The following TOPAZ1 variants were observed in gnomAD, a reference collection of about 807,000 sequenced individuals.
TOPAZ1 encodes the protein testis and ovary specific TOPAZ 1.
TOPAZ1 carries 66 observed loss-of-function variants against 172.2 expected under a neutral mutation model. The ratio of observed to expected loss-of-function variants is 0.38; its 90% CI spans 0.31 to 0.47. The LOEUF (loss-of-function observed/expected upper bound fraction) is 0.47, where lower values mean the gene tolerates loss of function less well. Ranked by LOEUF, TOPAZ1 falls within the 20% of genes least tolerant of loss-of-function variation. The pLI, the probability that TOPAZ1 is intolerant of heterozygous loss-of-function variation, is 0.99. For synonymous variants in TOPAZ1, 681 were observed against 683.9 expected, an observed-to-expected ratio of 1.00 and a Z score of 0.07; for missense variants, 1,822 against 1,972.4, an observed-to-expected ratio of 0.92 and a Z score of 1.44.
intron 4 of TOPAZ1, among the ~76,000 whole-genome samples, chr3:44,257,119 A>G (rs1699713025): frequency 1.3e-5 from 2 of 152,220 alleles, no homozygotes; most frequent in Middle Eastern, 3.4e-3. Context: ...ACTTGAGGCC[A>G]GGAATTTGAG....
chr3:44,277,069 G>T (rs1699969139), intron 8 of TOPAZ1, among the ~76,000 whole-genome samples: 1 of 152,086 alleles, frequency 6.6e-6, no homozygotes, highest in Non-Finnish European at 1.5e-5. Context: ...GGGATTACAG[G>T]CATGAGCCAC....
At chr3:44,263,679 C>T (rs751638762) in intron 5 of TOPAZ1, among the ~76,000 whole-genome samples, 1 of 152,060 alleles carries the variant, frequency 6.6e-6, no homozygotes, top group African/African-American at 2.4e-5. Context: ...TTTTTAGTCT[C>T]CTCTGGCGCA....
chr3:44,267,178 G>A (rs2125685112), intron 6 of TOPAZ1, 42 bp downstream of exon 6: 2 of 1,409,636 alleles, frequency 1.4e-6, no homozygotes. Context: ...GGCTTTTGGT[G>A]ATATAGAAAC....
chr3:44,247,453 A>G lies in TOPAZ1; in HGVS notation c.2765+2182A>G, dbSNP rs545778105. ...AGTGTTTGCTTTCTTAATATGAAAG[A>G]TGAACATATTTCTACACACTTTTTC... On this transcript the variant is annotated intron_variant, in intron 2 of 19. Coordinates refer to ENST00000309765, the MANE Select transcript of TOPAZ1 (RefSeq NM_001145030.2). Among the ~76,000 whole-genome samples the G allele has an allele frequency of 1.1e-4, 16 of 152,320 alleles. No individual in the cohort carries two copies. The East Asian group carries it at 1.7e-3, about 17-fold the overall frequency.
chr3:44,324,780 A>T (rs80281183), intron 18 of TOPAZ1, among the ~76,000 whole-genome samples: 3,243 of 152,288 alleles, frequency 0.021, 56 homozygotes, highest in Non-Finnish European at 0.032. Context: ...TCATACCAGA[A>T]AGAAACCTCA....
At position 44,244,086 on chromosome 3, in the gene TOPAZ1, G is replaced by A; in HGVS notation, c.1580G>A (p.Arg527Lys). 1.3e-6 allele frequency: 2 copies of A among 1,551,678 alleles called. No homozygotes were observed. Among genetic ancestry groups the A allele is most frequent in the Non-Finnish European group, 1.7e-6 (2 of 1,146,972 alleles). ...YFLRGSQESC[R>K]QVDVPKHQTN... ...CTTCGTGGGTCTCAGGAAAGTTGTA[G>A]GCAAGTTGATGTCCCTAAACACCAA... Residue 527 changes from arginine to lysine, a missense_variant, in exon 2 of 20, where the codon AGG (arginine) becomes AAG (lysine). Transcript: ENST00000309765.
intron 18 of TOPAZ1, among the ~76,000 whole-genome samples, chr3:44,324,888 G>A (rs146947843): frequency 1.3e-3 from 200 of 152,228 alleles, no homozygotes; most frequent in African/African-American, 4.6e-3. Context: ...AGCAATTAAT[G>A]CCTGTGTACA....
chr3:44,289,172 G>A (rs1700109061), intron 11 of TOPAZ1, among the ~76,000 whole-genome samples: 1 of 152,178 alleles, frequency 6.6e-6, no homozygotes, highest in African/African-American at 2.4e-5. Context: ...TTGTTCTCTT[G>A]CAGGTTTGTT....
chr3:44,290,854 A>G lies in TOPAZ1; in HGVS notation c.3765A>G (p.Gln1255=). Residue 1255 remains glutamine (Q), a synonymous_variant, in exon 12 of 20, where the codon CAA becomes CAG. Transcript: ENST00000309765. Reference sequence around the variant, plus strand: ...TATACCAAGTACAAGCTTCCAAACAAGAAATAACTGCAGTTCTGGAAATGA... The same window carrying G: ...TATACCAAGTACAAGCTTCCAAACAGGAAATAACTGCAGTTCTGGAAATGA... The part of the protein sequence containing the change: ...KLLYQVQASK[Q]EITAVLEMKS... The G allele has an allele frequency of 6.5e-7, 1 of 1,549,460 alleles. No individual in the cohort carries two copies. Among genetic ancestry groups the G allele is most frequent in the Non-Finnish European group, 8.7e-7 (1 of 1,146,206 alleles).
At chr3:44,300,864 A>C (rs1297598547) in intron 12 of TOPAZ1, among the ~76,000 whole-genome samples, 1 of 152,158 alleles carries the variant, frequency 6.6e-6, no homozygotes, top group Non-Finnish European at 1.5e-5. Flanking sequence ...AAAAAAAAAA[A>C]AAACTCAGAT....
chr3:44,259,599 A>G (rs180880603), intron 4 of TOPAZ1, among the ~76,000 whole-genome samples: 1 of 152,196 alleles, frequency 6.6e-6, no homozygotes, highest in Non-Finnish European at 1.5e-5. Context: ...ATCCTTGAGC[A>G]TAAGGCATTT....
At chr3:44,252,226 T>A (rs558445461) in intron 2 of TOPAZ1, among the ~76,000 whole-genome samples, 2 of 152,348 alleles carry the variant, frequency 1.3e-5, no homozygotes, top group African/African-American at 4.8e-5. Flanking sequence ...GAAGCATCCC[T>A]CAGTTCTCTA....
chr3:44,323,418 T>C (rs1411560171), intron 18 of TOPAZ1, 123 bp downstream of exon 18: 2 of 572,804 alleles, frequency 3.5e-6, no homozygotes, highest in Non-Finnish European at 5.7e-6. Context: ...TATTCAAATG[T>C]AGTGGTCTCA....
chr3:44,303,974 G>A lies in TOPAZ1; in HGVS notation c.3798-41G>A, dbSNP rs112557814. On this transcript the variant is annotated intron_variant, in intron 12 of 19. Coordinates refer to ENST00000309765, the MANE Select transcript of TOPAZ1 (RefSeq NM_001145030.2). ...AATTAGAAGCAGCAGTGACTTTTAA[G>A]GGGTGAATATAGTATAATTAACTCT... 1,032 of 1,218,376 alleles carry A rather than the reference G, an allele frequency of 8.5e-4. 14 individuals carry two copies. The African/African-American group carries it at 0.014, about 16-fold the overall frequency. 75.5% of individuals were successfully genotyped at this position (1,218,376 alleles called of 1,614,324 possible).
chr3:44,318,256 A>G (rs1700472057), intron 16 of TOPAZ1, among the ~76,000 whole-genome samples: 1 of 152,170 alleles, frequency 6.6e-6, no homozygotes, highest in East Asian at 1.9e-4. Flanking sequence ...GTTCGAGACC[A>G]TCCTGGCCAA....
chr3:44,288,288 A>G (rs1248549849), intron 11 of TOPAZ1, among the ~76,000 whole-genome samples: 1 of 152,054 alleles, frequency 6.6e-6, no homozygotes, highest in African/African-American at 2.4e-5. Context: ...TTTCAGAAGC[A>G]ACATTGGAAG....
At position 44,331,934 on chromosome 3, in the gene TOPAZ1, G is replaced by A; in HGVS notation, c.5002G>A (p.Glu1668Lys). The change falls in exon 20 of 20, where the codon GAA becomes AAA. Residue 1668 changes from glutamate to lysine, a missense_variant. Around this residue, in one of 2 missense-constraint regions of TOPAZ1, gnomAD observed 333 missense variants for 481.7 expected, o/e 0.69. Coordinates refer to ENST00000309765, the MANE Select transcript of TOPAZ1 (RefSeq NM_001145030.2). ...TAATAAGGAACAGGTTTATAGTTTG[G>A]AACATTGTTCTGCCCTGAAATGGTT... ...NVNKEQVYSL[E>K]HCSALKWLKE... 1.3e-6 allele frequency: 2 copies of A among 1,551,298 alleles called. No homozygotes were observed. The highest frequency in any genetic ancestry group is 1.7e-6 in the Non-Finnish European group (2 of 1,146,972).
rs1700672760 is a variant in TOPAZ1 at position 44,331,778 on chromosome 3, TG to T, written c.4860-13del. ...TTTAAGAGTTTCTGACTTTATGAGG[TG>T]TTCATTTTATAGGTGTGAAGACAAC... On this transcript the variant is annotated splice_polypyrimidine_tract_variant and intron_variant, in intron 19 of 19. Coordinates refer to ENST00000309765, the MANE Select transcript of TOPAZ1 (RefSeq NM_001145030.2). The T allele has an allele frequency of 2.6e-6, 4 of 1,535,504 alleles. No individual in the cohort carries two copies. In the East Asian group the frequency reaches 9.8e-5, roughly 38 times the overall value.
chr3:44,276,697 G>T (rs1575717380), intron 8 of TOPAZ1, among the ~76,000 whole-genome samples: 1 of 109,300 alleles, frequency 9.1e-6, no homozygotes, highest in East Asian at 2.9e-4. Flanking sequence ...GGTTCCATGT[G>T]AATTTTAGGG....
Sources: allele counts gnomAD v4.1 joint callset (sites outside exome capture counted in the v4.1 genomes callset), GRCh38; gene constraint gnomAD v4.1.1; regional missense constraint gnomAD v4.1.1; transcripts MANE v1.5; gene names NCBI Gene and HGNC (gene_info 2026-07-23, HGNC 2026-07-21).